Variants in NREP observed in about 807,000 individuals in gnomAD.
NREP encodes the protein neuronal regeneration-related protein.
A neutral mutation model predicts 8.6 loss-of-function variants in NREP; 5 were observed. That is an observed-to-expected ratio of 0.58 (90% confidence interval 0.30 to 1.22). The LOEUF is 1.22. NREP is among the 50% of genes most tolerant of loss of function. The pLI is 0.07. For synonymous variants in NREP, 27 were observed against 28.0 expected (o/e 0.96, Z 0.11); for missense variants, 86 against 82.5 (o/e 1.04, Z -0.17).
At chr5:111,771,784 A>C (rs1309708987) in intron 2 of NREP, among the ~76,000 whole-genome samples, 1 of 151,972 alleles carries the variant, frequency 6.6e-6, no homozygotes, top group Non-Finnish European at 1.5e-5. Flanking sequence ...AAAAACAAAA[A>C]AATCAATAGA....
chr5:111,863,602 C>T (rs974667709), intron 2 of NREP, among the ~76,000 whole-genome samples: 4 of 151,896 alleles, frequency 2.6e-5, no homozygotes, highest in Non-Finnish European at 4.4e-5. Context: ...AAAACAATAA[C>T]GAGTCTGAGA....
chr5:111,952,521 T>A (rs997051800), intron 2 of NREP, among the ~76,000 whole-genome samples: 1 of 152,144 alleles, frequency 6.6e-6, no homozygotes, highest in Non-Finnish European at 1.5e-5. Flanking sequence ...CTCTTCCTTG[T>A]GGATATTTCT....
intron 2 of NREP, among the ~76,000 whole-genome samples, chr5:111,830,003 A>G (rs569790916): frequency 3.9e-4 from 60 of 152,296 alleles, no homozygotes; most frequent in South Asian, 1.0e-3. Context: ...AGATTCTTGT[A>G]ATTAGCACTG....
At chr5:111,809,037 A>C (rs12520347) in intron 2 of NREP, among the ~76,000 whole-genome samples, 48,187 of 152,074 alleles carry the variant, frequency 0.32, 8,444 homozygotes, top group Non-Finnish European at 0.4. Flanking sequence ...GGCCTTTCTT[A>C]AATTCTGCCT....
chr5:111,862,772 C>A (rs530902826), intron 2 of NREP, among the ~76,000 whole-genome samples: 6 of 151,538 alleles, frequency 4.0e-5, no homozygotes, highest in Non-Finnish European at 8.8e-5. Context: ...GACAAAACTA[C>A]CCATGGCATT....
At chr5:111,896,856 A>T (rs944238797) in intron 2 of NREP, among the ~76,000 whole-genome samples, 22 of 152,170 alleles carry the variant, frequency 1.4e-4, no homozygotes, top group African/African-American at 5.3e-4. Flanking sequence ...GAACAGGGAG[A>T]AATACTAACA....
rs572040981 is a variant in NREP, at chr5:111,949,268, A to G, written c.135+26006T>C. On this transcript the variant is annotated intron_variant, in intron 2 of 3. Coordinates refer to the NREP transcript ENST00000395634. ...TGTGGGCCACACCATTGAATGAGAC[A>G]AAGAGTTGAGGTGATTGCAGCTTGC... Among the ~76,000 whole-genome samples the G allele has an allele frequency of 1.6e-3, 243 of 152,170 alleles. 3 individuals are homozygous for G. The highest frequency in any genetic ancestry group is 5.8e-3 in the African/African-American group (241 of 41,534).
intron 2 of NREP, among the ~76,000 whole-genome samples, chr5:111,908,444 T>C (rs550583087): frequency 6.6e-6 from 1 of 152,008 alleles, no homozygotes; most frequent in Non-Finnish European, 1.5e-5. Flanking sequence ...CTCCCCACTC[T>C]AGGAGTCACC....
intron 2 of NREP, among the ~76,000 whole-genome samples, chr5:111,936,373 G>A (rs548611076): frequency 2.0e-5 from 3 of 152,064 alleles, no homozygotes; most frequent in African/African-American, 4.8e-5. Flanking sequence ...TATGTAAGAC[G>A]TGCCTTGCTT....
At chr5:111,789,892 A>G (rs939377482) in intron 2 of NREP, among the ~76,000 whole-genome samples, 8 of 152,150 alleles carry the variant, frequency 5.3e-5, no homozygotes, top group African/African-American at 1.9e-4. Context: ...ATGACATAAA[A>G]CTCAAAACAC....
chr5:111,750,745 C>T (rs1471681105), intron 2 of NREP, among the ~76,000 whole-genome samples: 1 of 152,184 alleles, frequency 6.6e-6, no homozygotes, highest in African/African-American at 2.4e-5. Context: ...GGGAGTAAAG[C>T]TCCTCTTGGG....
intron 2 of NREP, among the ~76,000 whole-genome samples, chr5:111,899,054 A>G (rs997535359): frequency 1.3e-5 from 2 of 152,236 alleles, no homozygotes; most frequent in Non-Finnish European, 2.9e-5. Context: ...GAGGAAATTC[A>G]TCATCACTAG....
At chr5:111,931,446 C>T (rs1755534529) in intron 2 of NREP, among the ~76,000 whole-genome samples, 1 of 152,026 alleles carries the variant, frequency 6.6e-6, no homozygotes, top group African/African-American at 2.4e-5. Flanking sequence ...TAGTTGGTCA[C>T]CTGCCAATCG....
At chr5:111,836,719 AT>A (rs1752904305) in intron 2 of NREP, among the ~76,000 whole-genome samples, 1 of 152,062 alleles carries the variant, frequency 6.6e-6, no homozygotes, top group Admixed American at 6.6e-5. Flanking sequence ...TGACATGGAA[AT>A]TCCTATAGGC....
intron 2 of NREP, among the ~76,000 whole-genome samples, chr5:111,914,723 C>T (rs142124269): frequency 1.1e-3 from 174 of 152,150 alleles, no homozygotes; most frequent in South Asian, 0.011. Flanking sequence ...ATGTTTGTGA[C>T]GCTGAGCACC....
intron 2 of NREP, among the ~76,000 whole-genome samples, chr5:111,883,174 A>G (rs1038791563): frequency 6.6e-6 from 1 of 152,232 alleles, no homozygotes; most frequent in African/African-American, 2.4e-5. Context: ...AGGGGTTGCA[A>G]TGCTAGTCTC....
chr5:111,874,749 C>T lies in NREP; in HGVS notation c.135+100525G>A, dbSNP rs946646809. Among the ~76,000 whole-genome samples the T allele has an allele frequency of 2.6e-4, 40 of 152,094 alleles. 1 individual carries two copies. Among genetic ancestry groups the T allele is most frequent in the Admixed American group, 2.4e-3 (37 of 15,258 alleles). On this transcript the variant is annotated intron_variant, in intron 2 of 3. Coordinates refer to the NREP transcript ENST00000395634. The stretch of plus-strand genomic sequence containing the variant: ...CTTATGACCCATTTTTAGGCTTTTT[C>T]GGTGTTACCTTGCTTCTGGCCACCT...
At chr5:111,833,115 G>A (rs552386643) in intron 2 of NREP, among the ~76,000 whole-genome samples, 22 of 152,236 alleles carry the variant, frequency 1.4e-4, no homozygotes, top group African/African-American at 4.8e-4. Context: ...TACCTTAAAG[G>A]TGTTCATAAA....
chr5:111,934,261 G>T (rs1312709374), intron 2 of NREP, among the ~76,000 whole-genome samples: 4 of 152,006 alleles, frequency 2.6e-5, no homozygotes, highest in East Asian at 3.9e-4. Context: ...ATTGACTGTT[G>T]TCTCTTGGGG....
Sources: allele counts gnomAD v4.1 joint callset (sites outside exome capture counted in the v4.1 genomes callset), GRCh38; gene constraint gnomAD v4.1.1; transcripts MANE v1.5; gene names NCBI Gene and HGNC (gene_info 2026-07-23, HGNC 2026-07-21).